Variants in DTX3L observed in about 807,000 individuals in gnomAD.
DTX3L encodes the protein deltex E3 ubiquitin ligase 3L.
DTX3L carries 34 observed loss-of-function variants against 60.9 expected under a neutral mutation model. The observed-to-expected ratio is 0.56, with a 90% CI of 0.42 to 0.74. The LOEUF is 0.74. Ranked by LOEUF, DTX3L falls within the 30% of genes least tolerant of loss-of-function variation. DTX3L has a pLI of 0.00. For synonymous variants in DTX3L, 290 were observed against 316.6 expected (o/e 0.92, Z 0.89); for missense variants, 810 against 874.0 (o/e 0.93, Z 0.92).
At chr3:122,567,202 A>G (rs1480825616) in intron 2 of DTX3L, among the ~76,000 whole-genome samples, 1 of 152,112 alleles carries the variant, frequency 6.6e-6, no homozygotes, top group African/African-American at 2.4e-5. Flanking sequence ...AGGATTTTGG[A>G]TTTTTAACTT....
chr3:122,569,924 A>T lies in DTX3L; in HGVS notation c.1835A>T (p.Glu612Val). 6.2e-7 allele frequency: 1 copy of T among 1,614,156 alleles called. No homozygotes were observed. Among genetic ancestry groups the T allele is most frequent in the East Asian group, 2.2e-5 (1 of 44,890 alleles). Residue 612 changes from glutamate (E) to valine (V), a missense_variant, in exon 3 of 5, where the codon GAG becomes GTG. Physicochemically the swap from Glu to Val is moderately radical, Grantham distance 121. Coordinates refer to ENST00000296161, the MANE Select transcript of DTX3L (RefSeq NM_138287.3). ...SYGIQKGNQP[E>V]GSMVFTVSRD... ...GGTATTCAGAAAGGAAATCAGCCAG[A>T]GGGAAGCATGGTTTTCACTGTTTCA...
At position 122,569,659 on chromosome 3, in the gene DTX3L, C is replaced by G. The variant is rs147920805; in HGVS notation, c.1570C>G (p.His524Asp). 6 of 1,614,038 alleles carry G rather than the reference C, an allele frequency of 3.7e-6. No homozygotes were observed. Among genetic ancestry groups the G allele is most frequent in the South Asian group, 1.1e-5 (1 of 91,082 alleles). The change falls in exon 3 of 5, where the codon CAT (histidine) becomes GAT (aspartate). Residue 524 changes from histidine (H) to aspartate (D), a missense_variant. Physicochemically the swap from His to Asp is moderately conservative, Grantham distance 81 (BLOSUM62 -1). Coordinates refer to ENST00000296161, the MANE Select transcript of DTX3L (RefSeq NM_138287.3). ...SLAGKKLKEG[H>D]ETPMDIDSDD... ...GGCTGGAAAGAAATTGAAAGAGGGT[C>G]ATGAAACACCGATGGACATTGATAG...
rs2080665244 is a variant in DTX3L, at chr3:122,573,930, T to C, written c.*2183T>C. ...ACGACTCACTGCAGCCTCAACCTCCTGGGGCCAAGTGATCCTCCCACCTCA... is the reference window on the plus strand; with the variant it reads ...ACGACTCACTGCAGCCTCAACCTCCCGGGGCCAAGTGATCCTCCCACCTCA... On this transcript the variant is annotated 3_prime_UTR_variant, in exon 5 of 5. Transcript: ENST00000296161. 1 of 151,804 alleles carries C rather than the reference T, an allele frequency of 6.6e-6. No individual in the cohort carries two copies. The highest frequency in any genetic ancestry group is 2.4e-5 in the African/African-American group (1 of 41,256). The allele number at this position is 151,804 out of a possible 1,614,324, so 9.4% of individuals were successfully genotyped here.
chr3:122,565,951 A>T lies in DTX3L; in HGVS notation c.280A>T (p.Lys94Ter), dbSNP rs1360909529. ...CCTGGTACCCACTGAAAATTCAATAAAGAAGAACACGAGACCTCAAATTTC... is the reference window on the plus strand; with the variant it reads ...CCTGGTACCCACTGAAAATTCAATATAGAAGAACACGAGACCTCAAATTTC... ...IFLVPTENSI[K>*]KNTRPQISSL... Residue 94 changes from lysine (K) to a stop codon, truncating the protein, a stop_gained, in exon 2 of 5, where the codon AAG (lysine) becomes TAG (stop). Transcript: ENST00000296161. LOFTEE classifies it high-confidence loss of function. The T allele has an allele frequency of 1.9e-6, 3 of 1,614,106 alleles. No homozygotes were observed. The highest frequency in any genetic ancestry group is 1.3e-5 in the African/African-American group (1 of 74,934).
In DTX3L at chr3:122,564,603, T is replaced by C; in HGVS notation, c.177T>C (p.Ser59=). 2 of 1,595,762 alleles carry C rather than the reference T, an allele frequency of 1.3e-6. No individual in the cohort carries two copies. The highest frequency in any genetic ancestry group is 1.1e-5 in the South Asian group (1 of 90,010). The change falls in exon 1 of 5, where the codon AGT becomes AGC. Residue 59 remains serine, a synonymous_variant. Transcript: ENST00000296161. ...CGGGCACCTTCCGGGTGGAGTTCAG[T>C]GAAAGGGCAGGTGAGCTTCGGGCGG... ...EAPGTFRVEF[S]ERAAKERVLK...
Position 122,564,460 on chromosome 3 carries a change from C to T in DTX3L, c.34C>T (p.Leu12Phe). 6.2e-7 allele frequency: 1 copy of T among 1,612,144 alleles called. No individual in the cohort carries two copies. The highest frequency in any genetic ancestry group is 1.1e-5 in the South Asian group (1 of 91,058). ...ASHLRPPSPL[L>F]VRVYKSGPRV... ...CCACCTGCGCCCGCCGTCCCCGCTCCTCGTGCGGGTGTACAAGTCCGGCCC... is the reference window on the plus strand; with the variant it reads ...CCACCTGCGCCCGCCGTCCCCGCTCTTCGTGCGGGTGTACAAGTCCGGCCC... The change falls in exon 1 of 5, where the codon CTC becomes TTC. Residue 12 changes from leucine to phenylalanine, a missense_variant. Leu to Phe is a conservative substitution (Grantham distance 22). Coordinates refer to ENST00000296161, the MANE Select transcript of DTX3L (RefSeq NM_138287.3).
rs1239054728 is a variant in DTX3L at position 122,570,685 on chromosome 3, T to G, written c.2153+13T>G. On this transcript the variant is annotated intron_variant, in intron 4 of 4. Coordinates refer to ENST00000296161, the MANE Select transcript of DTX3L (RefSeq NM_138287.3). ...GAGGACCAGAAATGTGAGATCCTTT[T>G]GGGATGTAATGGCTGCTCAACAGAG... 43 of 1,613,266 alleles carry G rather than the reference T, an allele frequency of 2.7e-5. No homozygotes were observed. Among genetic ancestry groups the G allele is most frequent in the Non-Finnish European group, 3.5e-5 (41 of 1,179,330 alleles).
chr3:122,573,019 G>A lies in DTX3L; in HGVS notation c.*1272G>A, dbSNP rs923967758. 2.6e-5 allele frequency: 4 copies of A among 152,272 alleles called. No homozygotes were observed. Among genetic ancestry groups the A allele is most frequent in the African/African-American group, 7.2e-5 (3 of 41,460 alleles). 9.4% of individuals were successfully genotyped at this position (152,272 alleles called of 1,614,324 possible). On this transcript the variant is annotated 3_prime_UTR_variant, in exon 5 of 5. Transcript: ENST00000296161. Reference sequence around the variant, plus strand: ...GTTTGGCTCACAATTTTGCTGGCTAGAAGGTTGGGCATCCGGTGAAAGCCT... The same window carrying A: ...GTTTGGCTCACAATTTTGCTGGCTAAAAGGTTGGGCATCCGGTGAAAGCCT...
In DTX3L at chr3:122,572,978, A is replaced by T. The variant is rs967718563; in HGVS notation, c.*1231A>T. On this transcript the variant is annotated 3_prime_UTR_variant, in exon 5 of 5. Transcript: ENST00000296161. The stretch of plus-strand genomic sequence containing the variant: ...AAGAACACCTGAGACTGGGTAATTG[A>T]TAAAGAAAAAGGTTTGTTTGGCTCA... The T allele has an allele frequency of 1.3e-5, 2 of 152,212 alleles. No individual in the cohort carries two copies. The highest frequency in any genetic ancestry group is 2.9e-5 in the Non-Finnish European group (2 of 68,078). 9.4% of individuals were successfully genotyped at this position (152,212 alleles called of 1,614,324 possible). A position where few individuals can be genotyped will look rare whatever the true frequency, so the allele number is the denominator to read the frequency against.
Position 122,574,837 on chromosome 3 carries a change from G to A in DTX3L, c.*3090G>A, listed in dbSNP as rs1472933205. On this transcript the variant is annotated 3_prime_UTR_variant, in exon 5 of 5. Transcript: ENST00000296161. ...AGTATTCAAAGCAAATTTCCCCAGA[G>A]GAAATCCTATTGGAAGAACTTAAAA... is the stretch of plus-strand genomic sequence containing the variant. 1.3e-5 allele frequency: 2 copies of A among 152,088 alleles called. No homozygotes were observed. The highest frequency in any genetic ancestry group is 2.9e-5 in the Non-Finnish European group (2 of 68,034). The allele number at this position is 152,088 out of a possible 1,614,324, so 9.4% of individuals were successfully genotyped here. A position where few individuals can be genotyped will look rare whatever the true frequency, so the allele number is the denominator to read the frequency against.
Position 122,573,326 on chromosome 3 carries a change from T to G in DTX3L, c.*1579T>G, listed in dbSNP as rs1403885807. 1 of 152,186 alleles carries G rather than the reference T, an allele frequency of 6.6e-6. No homozygotes were observed. Among genetic ancestry groups the G allele is most frequent in the African/African-American group, 2.4e-5 (1 of 41,440 alleles). 9.4% of individuals were successfully genotyped at this position (152,186 alleles called of 1,614,324 possible). A position where few individuals can be genotyped will look rare whatever the true frequency, so the allele number is the denominator to read the frequency against. ...GGTCAAACAAACTAAACTGTAGCAG[T>G]GTTTCATAAAATTGTTTGCCTGACT... is the stretch of plus-strand genomic sequence containing the variant. On this transcript the variant is annotated 3_prime_UTR_variant, in exon 5 of 5. Transcript: ENST00000296161.
intron 2 of DTX3L, among the ~76,000 whole-genome samples, chr3:122,566,670 A>T (rs1207177135): frequency 6.6e-6 from 1 of 152,016 alleles, no homozygotes; most frequent in Non-Finnish European, 1.5e-5. Flanking sequence ...GCCTGGTGCT[A>T]CTTCTAACCA....
At position 122,569,764 on chromosome 3, in the gene DTX3L, G is replaced by C; in HGVS notation, c.1675G>C (p.Gly559Arg). ...EASELDKKEKGICVICMDTIS... is the reference protein window; with the variant it reads ...EASELDKKEKRICVICMDTIS... ...CTCAGAACTGGACAAGAAGGAAAAGGGCATCTGTGTCATCTGTATGGACAC... is the reference window on the plus strand; with the variant it reads ...CTCAGAACTGGACAAGAAGGAAAAGCGCATCTGTGTCATCTGTATGGACAC... Residue 559 changes from glycine (G) to arginine (R), a missense_variant, in exon 3 of 5, where the codon GGC (glycine) becomes CGC (arginine). Gly to Arg is a moderately radical substitution (Grantham distance 125, BLOSUM62 -2). Coordinates refer to ENST00000296161, the MANE Select transcript of DTX3L (RefSeq NM_138287.3). 1 of 1,614,090 alleles carries C rather than the reference G, an allele frequency of 6.2e-7. No homozygotes were observed. The highest frequency in any genetic ancestry group is 8.5e-7 in the Non-Finnish European group (1 of 1,180,038).
rs1372795187 is a variant in DTX3L at position 122,565,994 on chromosome 3, A to T, written c.323A>T (p.Gln108Leu). The change falls in exon 2 of 5, where the codon CAA (glutamine) becomes CTA (leucine). Residue 108 changes from glutamine (Q) to leucine (L), a missense_variant. By Grantham distance (113) the Gln-to-Leu change is moderately radical. Transcript: ENST00000296161. ...CAAATTTCTTCACTGACACAATCAC[A>T]AGCAGAAACACCGTCTGGTGATATG... ...RPQISSLTQS[Q>L]AETPSGDMHQ... The T allele has an allele frequency of 6.2e-7, 1 of 1,614,070 alleles. No homozygotes were observed. Among genetic ancestry groups the T allele is most frequent in the East Asian group, 2.2e-5 (1 of 44,890 alleles).
rs1337154712 is a variant in DTX3L at position 122,574,734 on chromosome 3, C to G, written c.*2987C>G. 1.3e-5 allele frequency: 2 copies of G among 152,238 alleles called. No individual in the cohort carries two copies. The highest frequency in any genetic ancestry group is 6.5e-5 in the Admixed American group (1 of 15,286). 9.4% of individuals were successfully genotyped at this position (152,238 alleles called of 1,614,324 possible). A position where few individuals can be genotyped will look rare whatever the true frequency, so the allele number is the denominator to read the frequency against. On this transcript the variant is annotated 3_prime_UTR_variant, in exon 5 of 5. Coordinates refer to ENST00000296161, the MANE Select transcript of DTX3L (RefSeq NM_138287.3). ...CTGCCCCCCAGAGCTGTACTGTCTC[C>G]CATGAGGGTACTTCTCCATGGAGCA...
chr3:122,565,863 GGAGA>G lies in DTX3L; in HGVS notation c.196_199del (p.Arg66CysfsTer2). 1 of 1,614,004 alleles carries G rather than the reference GGAGA, an allele frequency of 6.2e-7. No individual in the cohort carries two copies. Among genetic ancestry groups the G allele is most frequent in the Non-Finnish European group, 8.5e-7 (1 of 1,179,992 alleles). On this transcript the variant is annotated frameshift_variant, in exon 2 of 5. Transcript: ENST00000296161. LOFTEE classifies it high-confidence loss of function. ...TGTTTAATGTCTCCACTGAAGCTAA[GGAGA>G]GAGTGTTGAAAAAAGGAGAGCACCA...
In DTX3L at chr3:122,574,873, T is replaced by C. The variant is rs1559907538; in HGVS notation, c.*3126T>C. Reference sequence around the variant, plus strand: ...TGGAAGAACTTAAAAACTCAGAATCTTTTTCTTTGTCCAGAGAGTTGAGGA... The same window carrying C: ...TGGAAGAACTTAAAAACTCAGAATCCTTTTCTTTGTCCAGAGAGTTGAGGA... On this transcript the variant is annotated 3_prime_UTR_variant, in exon 5 of 5. Coordinates refer to ENST00000296161, the MANE Select transcript of DTX3L (RefSeq NM_138287.3). The C allele has an allele frequency of 6.6e-6, 1 of 152,196 alleles. No homozygotes were observed. The highest frequency in any genetic ancestry group is 1.5e-5 in the Non-Finnish European group (1 of 68,040). 9.4% of individuals were successfully genotyped at this position (152,196 alleles called of 1,614,324 possible).
At chr3:122,565,573 A>AAGG (rs1456918927) in intron 1 of DTX3L, among the ~76,000 whole-genome samples, 6 of 151,492 alleles carry the variant, frequency 4.0e-5, no homozygotes, top group African/African-American at 1.5e-4. Context: ...AAGAAGGAAG[A>AAGG]AGGAAAGGGG....
chr3:122,565,289 A>T (rs991879553), intron 1 of DTX3L, among the ~76,000 whole-genome samples: 3 of 152,120 alleles, frequency 2.0e-5, no homozygotes, highest in African/African-American at 7.2e-5. Context: ...AGGTTGGTGG[A>T]TCACCTGAGG....
Sources: gnomAD v4.1 joint callset for allele counts (sites outside exome capture counted in the v4.1 genomes callset) on GRCh38, gnomAD v4.1.1 for gene constraint, MANE v1.5 for transcripts, NCBI Gene and HGNC (gene_info 2026-07-23, HGNC 2026-07-21) for gene names.